The following RALGPS2 variants were observed in gnomAD, a reference collection of about 807,000 sequenced individuals.
The protein encoded by RALGPS2 is Ral GEF with PH domain and SH3 binding motif 2, also known as ras-specific guanine nucleotide-releasing factor RalGPS2.
RALGPS2 carries 43 observed loss-of-function variants against 86.8 expected under a neutral mutation model. The observed-to-expected ratio is 0.50, with a 90% CI of 0.39 to 0.64. The LOEUF (loss-of-function observed/expected upper bound fraction) is 0.64, where lower values mean the gene tolerates loss of function less well. Among genes scored for constraint, RALGPS2 ranks in the 30% least tolerant of loss-of-function variants. The pLI, the probability that RALGPS2 is intolerant of heterozygous loss-of-function variation, is 0.00. For synonymous variants in RALGPS2, 243 were observed against 231.3 expected, an observed-to-expected ratio of 1.05 and a Z score of -0.46; for missense variants, 536 against 694.6, an observed-to-expected ratio of 0.77 and a Z score of 2.57.
intron 1 of RALGPS2, among the ~76,000 whole-genome samples, chr1:178,726,573 A>G (rs1347031877): frequency 6.6e-6 from 1 of 152,094 alleles, no homozygotes; most frequent in Non-Finnish European, 1.5e-5. Flanking sequence ...GAAATATCTA[A>G]TGCCTACTGT....
intron 1 of RALGPS2, among the ~76,000 whole-genome samples, chr1:178,758,871 T>TG (rs149949273): frequency 0.025 from 3,778 of 152,318 alleles, 155 homozygotes; most frequent in African/African-American, 0.086. Context: ...ATGTTTTCTT[T>TG]GGAGAAATGT....
rs1260864566 is a variant in RALGPS2 at position 178,920,639 on chromosome 1, T to G, written c.*4280T>G. The G allele has an allele frequency of 2.0e-5, 3 of 151,988 alleles. No homozygotes were observed. Among genetic ancestry groups the G allele is most frequent in the Non-Finnish European group, 4.4e-5 (3 of 67,892 alleles). 9.4% of individuals were successfully genotyped at this position (151,988 alleles called of 1,614,324 possible). A position where few individuals can be genotyped will look rare whatever the true frequency, so the allele number is the denominator to read the frequency against. ...AAAATAAACCCACCCCAGTCAACCT[T>G]TAGATAAGCACTCTTAAAAACAAAT... is the stretch of plus-strand genomic sequence containing the variant. On this transcript the variant is annotated 3_prime_UTR_variant, in exon 20 of 20. Coordinates refer to ENST00000367635, the MANE Select transcript of RALGPS2 (RefSeq NM_152663.5).
chr1:178,895,585 G>A (rs556742954), intron 16 of RALGPS2, among the ~76,000 whole-genome samples: 168 of 152,214 alleles, frequency 1.1e-3, no homozygotes, highest in African/African-American at 3.7e-3. Flanking sequence ...AATATCTAGA[G>A]TTCAGGAGAC....
intron 4 of RALGPS2, among the ~76,000 whole-genome samples, chr1:178,801,320 T>G (rs1654462575): frequency 6.6e-6 from 1 of 152,138 alleles, no homozygotes; most frequent in Non-Finnish European, 1.5e-5. Flanking sequence ...TTTAATCTAC[T>G]GTGTTTTAAA....
chr1:178,789,569 T>TA (rs1270916828), intron 4 of RALGPS2, among the ~76,000 whole-genome samples: 8 of 152,372 alleles, frequency 5.3e-5, no homozygotes, highest in African/African-American at 1.7e-4. Context: ...GCTTTGGACA[T>TA]ACTTATTTTG....
rs549622236 is a variant in RALGPS2, at chr1:178,751,732, C to T, written c.-83-24950C>T. On this transcript the variant is annotated intron_variant, in intron 1 of 19. Coordinates refer to ENST00000367635, the MANE Select transcript of RALGPS2 (RefSeq NM_152663.5). ...AGTGTATCTTCAGAGACCTAGTACT[C>T]TCAGTTCTTAATAAAAATGTTCTGA... 5.9e-5 allele frequency among the ~76,000 whole-genome samples: 9 copies of T among 152,180 alleles called. No homozygotes were observed. The South Asian group carries it at 1.9e-3, about 32-fold the overall frequency.
At chr1:178,844,787 T>A (rs546300863) in intron 8 of RALGPS2, among the ~76,000 whole-genome samples, 2 of 152,148 alleles carry the variant, frequency 1.3e-5, no homozygotes, top group East Asian at 3.8e-4. Context: ...GTGAAAAAAA[T>A]AATTTAGTTA....
intron 4 of RALGPS2, among the ~76,000 whole-genome samples, chr1:178,785,863 CTCTT>C (rs1653625394): frequency 6.6e-6 from 1 of 152,032 alleles, no homozygotes; most frequent in Admixed American, 6.6e-5. Flanking sequence ...TCAGTGAAAA[CTCTT>C]TCTATAACTT....
chr1:178,812,284 C>T (rs1194956370), intron 6 of RALGPS2, among the ~76,000 whole-genome samples: 1 of 152,038 alleles, frequency 6.6e-6, no homozygotes, highest in Non-Finnish European at 1.5e-5. Flanking sequence ...TTTCTCTGAG[C>T]TCTAGGGGAG....
At chr1:178,735,800 A>G (rs1284756944) in intron 1 of RALGPS2, among the ~76,000 whole-genome samples, 11 of 152,092 alleles carry the variant, frequency 7.2e-5, no homozygotes, top group Admixed American at 3.3e-4. Context: ...ATTTAAAAGT[A>G]TTTGTATATT....
intron 8 of RALGPS2, among the ~76,000 whole-genome samples, chr1:178,860,520 G>C (rs1657929040): frequency 6.6e-6 from 1 of 151,958 alleles, no homozygotes; most frequent in African/African-American, 2.4e-5. Context: ...ATATTGTACA[G>C]CCATCACCAC....
In RALGPS2 at chr1:178,839,499, G is replaced by A. The variant is rs113428739; in HGVS notation, c.607+5949G>A. Among the ~76,000 whole-genome samples, 195 of 152,210 alleles carry A rather than the reference G, an allele frequency of 1.3e-3. 4 individuals are homozygous for A. The highest frequency in any genetic ancestry group is 4.3e-3 in the African/African-American group (179 of 41,462). The stretch of plus-strand genomic sequence containing the variant: ...TCACCACCAGGCCTGCCTTACAAGA[G>A]CTCCTGAAGGAAGCACTAAACATGG... On this transcript the variant is annotated intron_variant, in intron 8 of 19. Coordinates refer to ENST00000367635, the MANE Select transcript of RALGPS2 (RefSeq NM_152663.5).
chr1:178,889,578 T>C, intron 13 of RALGPS2, 64 bp from the exon 14 acceptor site: 2 of 1,062,690 alleles, frequency 1.9e-6, no homozygotes, highest in Non-Finnish European at 2.9e-6. Flanking sequence ...TATTTTTACA[T>C]TGTGAAATGC....
chr1:178,809,332 C>T (rs1432769235), intron 5 of RALGPS2, among the ~76,000 whole-genome samples: 2 of 151,780 alleles, frequency 1.3e-5, no homozygotes, highest in Non-Finnish European at 2.9e-5. Flanking sequence ...AATGGAGGAG[C>T]GGAGAGGTGT....
chr1:178,851,186 G>A lies in RALGPS2; in HGVS notation c.607+17636G>A, dbSNP rs1412994313. 4 of 1,613,996 alleles carry A rather than the reference G, an allele frequency of 2.5e-6. No individual in the cohort carries two copies. In the South Asian group the frequency reaches 4.4e-5, roughly 18 times the overall value. On this transcript the variant is annotated intron_variant, in intron 8 of 19. Coordinates refer to ENST00000367635, the MANE Select transcript of RALGPS2 (RefSeq NM_152663.5). ...CTCTTAAGGAGTATGACCCGCCTCT[G>A]TATTCGGCCCAGAAAATTCCATCTT...
intron 1 of RALGPS2, among the ~76,000 whole-genome samples, chr1:178,745,572 A>G (rs1449253285): frequency 6.6e-6 from 1 of 152,198 alleles, no homozygotes; most frequent in African/African-American, 2.4e-5. Flanking sequence ...TGGATATCCA[A>G]ATGCAAACAA....
rs1448081334 is a variant in RALGPS2, at chr1:178,754,234, T to A, written c.-83-22448T>A. ...GAATAGGATGTGTATATATATTTTATTATATATATAATCCTTATATAATTA... is the reference window on the plus strand; with the variant it reads ...GAATAGGATGTGTATATATATTTTAATATATATATAATCCTTATATAATTA... On this transcript the variant is annotated intron_variant, in intron 1 of 19. Transcript: ENST00000367635. 2.7e-5 allele frequency among the ~76,000 whole-genome samples: 4 copies of A among 150,706 alleles called. No individual in the cohort carries two copies. In the East Asian group the frequency reaches 5.8e-4, roughly 22 times the overall value.
chr1:178,804,316 G>A (rs1388476645), intron 4 of RALGPS2, among the ~76,000 whole-genome samples: 2 of 133,856 alleles, frequency 1.5e-5, no homozygotes, highest in African/African-American at 2.8e-5. Context: ...TAGGGTACAT[G>A]TGCACATTGT....
chr1:178,784,621 A>G, intron 3 of RALGPS2, 99 bp downstream of exon 3: 2 of 805,538 alleles, frequency 2.5e-6, no homozygotes, highest in East Asian at 2.9e-5. Context: ...GACAGCTTTT[A>G]GAAACCTGGA....
Sources: allele counts gnomAD v4.1 joint callset (sites outside exome capture counted in the v4.1 genomes callset), GRCh38; gene constraint gnomAD v4.1.1; transcripts MANE v1.5; gene names NCBI Gene and HGNC (gene_info 2026-07-23, HGNC 2026-07-21).